The following DIS3L2 variants were observed in gnomAD, a reference collection of about 807,000 sequenced individuals.
DIS3L2 encodes DIS3-like exonuclease 2.
A neutral mutation model predicts 97.5 loss-of-function variants in DIS3L2; 34 were observed. The ratio of observed to expected loss-of-function variants is 0.35; its 90% CI spans 0.27 to 0.46. The LOEUF is 0.46. Ranked by LOEUF, DIS3L2 falls within the 20% of genes least tolerant of loss-of-function variation. The probability of loss-of-function intolerance (pLI) is 1.00; values close to 1 mark genes in which losing one functional copy is unlikely to be tolerated. For synonymous variants in DIS3L2, 435 were observed against 445.2 expected, an observed-to-expected ratio of 0.98 and a Z score of 0.29; for missense variants, 1,038 against 1,146.0, an observed-to-expected ratio of 0.91 and a Z score of 1.36.
intron 3 of DIS3L2, among the ~76,000 whole-genome samples, chr2:232,023,467 C>G (rs527472590): frequency 3.3e-5 from 5 of 152,120 alleles, no homozygotes; most frequent in Admixed American, 3.3e-4. Context: ...TCAAGATATC[C>G]TTTGAGTCTG....
intron 6 of DIS3L2, among the ~76,000 whole-genome samples, chr2:232,115,358 C>T (rs1445589014): frequency 6.6e-6 from 1 of 151,962 alleles, no homozygotes; most frequent in African/African-American, 2.4e-5. Flanking sequence ...ATCAGTCTGT[C>T]AGCCGCTTTT....
intron 14 of DIS3L2, among the ~76,000 whole-genome samples, chr2:232,308,248 C>A (rs1695036407): frequency 6.6e-6 from 1 of 152,208 alleles, no homozygotes; most frequent in Non-Finnish European, 1.5e-5. Flanking sequence ...TAGACCCTGG[C>A]AGACCCAGGC....
At chr2:232,126,535 G>A (rs1271023331) in intron 6 of DIS3L2, among the ~76,000 whole-genome samples, 2 of 152,172 alleles carry the variant, frequency 1.3e-5, no homozygotes, top group South Asian at 2.1e-4. Context: ...ATTCCAGCCC[G>A]CAGGATTGAG....
rs1258937012 is a variant in DIS3L2 at position 232,331,966 on chromosome 2, T to G, written c.2010+1190T>G. On this transcript the variant is annotated intron_variant, in intron 16 of 20. Transcript: ENST00000325385. Reference sequence around the variant, plus strand: ...TGTTCCTCAGCCCCGGGAACTGGGGTGGGGACAGGGCAGGGCAGCAGCAGA... The same window carrying G: ...TGTTCCTCAGCCCCGGGAACTGGGGGGGGGACAGGGCAGGGCAGCAGCAGA... 2.0e-5 allele frequency: 3 copies of G among 151,836 alleles called. No individual in the cohort carries two copies. In the East Asian group the frequency reaches 5.8e-4, roughly 30 times the overall value. 9.4% of individuals were successfully genotyped at this position (151,836 alleles called of 1,614,324 possible).
At chr2:231,998,418 A>G (rs1191472195) in intron 1 of DIS3L2, among the ~76,000 whole-genome samples, 2 of 152,234 alleles carry the variant, frequency 1.3e-5, no homozygotes, top group Non-Finnish European at 2.9e-5. Flanking sequence ...TACCATTACA[A>G]TGACAATTAA....
At chr2:232,155,309 G>C (rs1186693507) in intron 8 of DIS3L2, among the ~76,000 whole-genome samples, 1 of 151,982 alleles carries the variant, frequency 6.6e-6, no homozygotes. Context: ...CACTTCACTT[G>C]CTTCCTTTTG....
At chr2:232,187,546 G>A (rs534543183) in intron 9 of DIS3L2, among the ~76,000 whole-genome samples, 1 of 151,998 alleles carries the variant, frequency 6.6e-6, no homozygotes, top group South Asian at 2.1e-4. Flanking sequence ...AGGTTCAAGC[G>A]ATTCTCCTGC....
At chr2:232,044,979 G>A (rs1273445778) in intron 5 of DIS3L2, among the ~76,000 whole-genome samples, 1 of 152,108 alleles carries the variant, frequency 6.6e-6, no homozygotes, top group Non-Finnish European at 1.5e-5. Context: ...GTGTATGGGG[G>A]CTTAATTCTC....
At chr2:232,167,135 T>C (rs1690848461) in intron 9 of DIS3L2, among the ~76,000 whole-genome samples, 1 of 152,242 alleles carries the variant, frequency 6.6e-6, no homozygotes. Context: ...TTTCTAATGT[T>C]TCTTAATGCC....
chr2:232,182,948 A>G (rs779467768), intron 9 of DIS3L2, among the ~76,000 whole-genome samples: 3 of 152,118 alleles, frequency 2.0e-5, no homozygotes, highest in East Asian at 3.8e-4. Flanking sequence ...TTTTGAGTCT[A>G]TGCTGTGATC....
At chr2:232,128,451 A>ATTTTTTTTTTTTTTTTTTT (rs10682281) in intron 6 of DIS3L2, among the ~76,000 whole-genome samples, 3 of 71,676 alleles carry the variant, frequency 4.2e-5, no homozygotes, top group African/African-American at 1.8e-4. Flanking sequence ...AACTTTGCTA[A>ATTTTTTTTTTTTTTTTTTT]TTTTTTTTTT....
intron 6 of DIS3L2, among the ~76,000 whole-genome samples, chr2:232,109,631 A>T (rs1344789203): frequency 6.6e-6 from 1 of 152,132 alleles, no homozygotes. Flanking sequence ...GGGGGAAAGG[A>T]TTCCCTATTT....
chr2:232,204,937 A>G (rs866206278), intron 9 of DIS3L2, among the ~76,000 whole-genome samples: 37 of 152,022 alleles, frequency 2.4e-4, no homozygotes, highest in African/African-American at 8.5e-4. Flanking sequence ...AGCACTGAGG[A>G]CTGGGGTTTG....
rs561262523 is a variant in DIS3L2 at position 232,155,401 on chromosome 2, C to T, written c.951-8058C>T. The stretch of plus-strand genomic sequence containing the variant: ...AGTCTTTGTGGAGGAATTTCTCCAT[C>T]TCTTGGTACACCTCAGTTCATCACT... On this transcript the variant is annotated intron_variant, in intron 8 of 20. Coordinates refer to ENST00000325385, the MANE Select transcript of DIS3L2 (RefSeq NM_152383.5). Among the ~76,000 whole-genome samples, 12 of 152,322 alleles carry T rather than the reference C, an allele frequency of 7.9e-5. No homozygotes were observed. In the South Asian group the frequency reaches 2.3e-3, roughly 29 times the overall value.
intron 10 of DIS3L2, among the ~76,000 whole-genome samples, chr2:232,223,436 AG>A (rs1372003591): frequency 6.6e-6 from 1 of 152,234 alleles, no homozygotes; most frequent in Non-Finnish European, 1.5e-5. Context: ...AGTGTCTTCC[AG>A]TTCCAAATTA....
At chr2:231,992,033 A>C (rs1693600191) in intron 1 of DIS3L2, among the ~76,000 whole-genome samples, 1 of 152,150 alleles carries the variant, frequency 6.6e-6, no homozygotes, top group Admixed American at 6.5e-5. Context: ...TTGCTGTGGT[A>C]TGGTTGGGAA....
intron 1 of DIS3L2, among the ~76,000 whole-genome samples, chr2:231,986,914 G>GTAGATGATC (rs1269640575): frequency 2.0e-5 from 3 of 152,194 alleles, no homozygotes; most frequent in African/African-American, 4.8e-5. Flanking sequence ...TTGTTTTACA[G>GTAGATGATC]TAGATGATCC....
chr2:231,970,113 G>T (rs540815853), intron 1 of DIS3L2, among the ~76,000 whole-genome samples: 24 of 151,388 alleles, frequency 1.6e-4, no homozygotes, highest in East Asian at 9.7e-4. Context: ...ATTTTTTTTT[G>T]TTTGTTTGTT....
At chr2:232,200,591 T>TA (rs1192454770) in intron 9 of DIS3L2, among the ~76,000 whole-genome samples, 2 of 151,816 alleles carry the variant, frequency 1.3e-5, no homozygotes, top group African/African-American at 4.8e-5. Flanking sequence ...TGAATTTTTT[T>TA]AAAAAATCAA....
Sources: gnomAD v4.1 joint callset for allele counts (sites outside exome capture counted in the v4.1 genomes callset) on GRCh38, gnomAD v4.1.1 for gene constraint, MANE v1.5 for transcripts, NCBI Gene and HGNC (gene_info 2026-07-23, HGNC 2026-07-21) for gene names.